The following RASL12 variants were observed in gnomAD, a reference collection of about 807,000 sequenced individuals.
RASL12 encodes RAS like family 12, also known as ras-like protein family member 12.
A neutral mutation model predicts 22.9 loss-of-function variants in RASL12; 16 were observed. The ratio of observed to expected loss-of-function variants is 0.70; its 90% CI spans 0.47 to 1.06. RASL12 has a LOEUF of 1.06. RASL12 is among the 50% of genes least tolerant of loss of function. The probability of loss-of-function intolerance (pLI) is 0.00; values close to 1 mark genes in which losing one functional copy is unlikely to be tolerated. For synonymous variants in RASL12, 159 were observed against 152.2 expected, an observed-to-expected ratio of 1.04 and a Z score of -0.33; for missense variants, 306 against 353.1, an observed-to-expected ratio of 0.87 and a Z score of 1.07.
chr15:65,049,130 T>A (rs1218099459), downstream of RASL12: 1 of 151,490 alleles, frequency 6.6e-6, no homozygotes, highest in Non-Finnish European at 1.5e-5. Context: ...TGCTAGAAAA[T>A]TTTATATTAA....
At position 65,053,688 on chromosome 15, in the gene RASL12, G is replaced by A; in HGVS notation, c.*1211C>T. 2 of 988,378 alleles carry A rather than the reference G, an allele frequency of 2.0e-6. No homozygotes were observed. The highest frequency in any genetic ancestry group is 2.4e-6 in the Non-Finnish European group (2 of 831,806). 61.2% of individuals were successfully genotyped at this position (988,378 alleles called of 1,614,324 possible). ...CCCTTCCCAATCCTTCCACCCACCA[G>A]GACCCTCTCTTTTCCCTGCTTGTCT... is the stretch of plus-strand genomic sequence containing the variant. On this transcript the variant is annotated 3_prime_UTR_variant, in exon 5 of 5. Transcript: ENST00000220062.
chr15:65,047,458 A>G, the RASL12 span, among the ~76,000 whole-genome samples: 1 of 152,236 alleles, frequency 6.6e-6, no homozygotes. Flanking sequence ...AAACCACACA[A>G]TACAGGAGTG....
chr15:65,068,165 A>G (rs1356488069), upstream of RASL12: 21 of 1,005,088 alleles, frequency 2.1e-5, no homozygotes, highest in East Asian at 8.1e-4. This position sits in a 1 kb window ranked among gnomAD's most constrained non-coding sequence, Gnocchi z 4.2. Flanking sequence ...GGCCTCGAGG[A>G]CCCTGCCGTC....
Position 65,058,640 on chromosome 15 carries a change from C to T in RASL12, c.235-23G>A, listed in dbSNP as rs752224771. The T allele has an allele frequency of 8.2e-6, 12 of 1,470,766 alleles. No homozygotes were observed. The Admixed American group carries it at 1.3e-4, about 16-fold the overall frequency. 91.1% of individuals were successfully genotyped at this position (1,470,766 alleles called of 1,614,324 possible). On this transcript the variant is annotated intron_variant, in intron 3 of 4. Coordinates refer to ENST00000220062, the MANE Select transcript of RASL12 (RefSeq NM_016563.4). ...GTCCTGGGGTGAAGGTGAGAAGCCC[C>T]GCCGGGGGGCAGAGGAGGTTGGGGT...
upstream of RASL12, among the ~76,000 whole-genome samples, chr15:65,072,004 T>C (rs923810422): frequency 6.6e-6 from 1 of 150,604 alleles, no homozygotes. Flanking sequence ...GAAATGGGAA[T>C]AGTCAGACAC....
intron 2 of RASL12, among the ~76,000 whole-genome samples, chr15:65,064,319 AGAT>A (rs1199681559): frequency 1.3e-5 from 2 of 152,254 alleles, no homozygotes; most frequent in Non-Finnish European, 2.9e-5. Context: ...CCCATTTTAC[AGAT>A]GAGGAAACAG....
upstream of RASL12, chr15:65,068,253 A>G: frequency 6.1e-6 from 6 of 987,302 alleles, no homozygotes; most frequent in Non-Finnish European, 7.2e-6. The surrounding 1 kb of genome is among the most constrained non-coding windows in gnomAD (Gnocchi z 4.2). Context: ...GAGGGGAAGG[A>G]TGTTTGCACT....
In RASL12 at chr15:65,067,819, C is replaced by A. The variant is rs377712164; in HGVS notation, c.17G>T (p.Gly6Val). The change falls in exon 1 of 5, where the codon GGA (glycine) becomes GTA (valine). Residue 6 changes from glycine to valine, a missense_variant. By Grantham distance (109) the Gly-to-Val change is moderately radical (BLOSUM62 -3). Coordinates refer to ENST00000220062, the MANE Select transcript of RASL12 (RefSeq NM_016563.4). Reference sequence around the variant, plus strand: ...AGGCCCGCTGCCCGCGCGGGGTTTTCCAAACACCGAGGACATGGCGACGCC... The same window carrying A: ...AGGCCCGCTGCCCGCGCGGGGTTTTACAAACACCGAGGACATGGCGACGCC... MSSVFGKPRAGSGPQS... is the reference protein window; with the variant it reads MSSVFVKPRAGSGPQS... The A allele has an allele frequency of 2.2e-5, 34 of 1,569,850 alleles. No homozygotes were observed. The highest frequency in any genetic ancestry group is 3.4e-4 in the Middle Eastern group (2 of 5,940).
chr15:65,062,846 C>T (rs1480375149), intron 2 of RASL12, among the ~76,000 whole-genome samples: 2 of 152,210 alleles, frequency 1.3e-5, no homozygotes, highest in African/African-American at 4.8e-5. Context: ...AACAATGGGA[C>T]AGTGGCCGGA....
Position 65,063,906 on chromosome 15 carries a change from C to T in RASL12, c.160+1311G>A, listed in dbSNP as rs138839864. On this transcript the variant is annotated intron_variant, in intron 2 of 4. Transcript: ENST00000220062. ...TGGATCAGGGGCCTGCTGCAGGGAG[C>T]GCAGGGGGTTTCCACTGTGTCACAA... Among the ~76,000 whole-genome samples the T allele has an allele frequency of 2.0e-3, 312 of 152,228 alleles. 1 individual carries two copies. The highest frequency in any genetic ancestry group is 6.6e-3 in the African/African-American group (273 of 41,550).
At chr15:65,062,424 T>C (rs578183061) in intron 2 of RASL12, among the ~76,000 whole-genome samples, 2 of 152,344 alleles carry the variant, frequency 1.3e-5, no homozygotes, top group African/African-American at 4.8e-5. Context: ...CTCTATGACA[T>C]GAGGCTGCTC....
At chr15:65,050,042 G>A (rs772137491), downstream of RASL12, 23 of 1,551,624 alleles carry the variant, frequency 1.5e-5, no homozygotes, top group Middle Eastern at 3.3e-4. Flanking sequence ...GACCCAGCCG[G>A]TACTGTGGTA....
downstream of RASL12, chr15:65,049,953 T>C (rs944453304): frequency 2.1e-6 from 3 of 1,447,588 alleles, no homozygotes; most frequent in East Asian, 7.7e-5. Context: ...GGAGGGCTGC[T>C]GGGGCTAAGG....
chr15:65,071,846 G>A (rs771659378), upstream of RASL12, among the ~76,000 whole-genome samples: 1 of 152,190 alleles, frequency 6.6e-6, no homozygotes, highest in Non-Finnish European at 1.5e-5. Context: ...CCCAGCAGAA[G>A]GCAACTGTTT....
At chr15:65,074,848 G>C (rs1384496729) in intron 1 of RASL12, among the ~76,000 whole-genome samples, 1 of 152,248 alleles carries the variant, frequency 6.6e-6, no homozygotes, top group Non-Finnish European at 1.5e-5. Flanking sequence ...TTATTGAGAG[G>C]TGACAGCATG....
chr15:65,052,133 G>A (rs879711819), downstream of RASL12, among the ~76,000 whole-genome samples: 1 of 152,204 alleles, frequency 6.6e-6, no homozygotes, highest in Non-Finnish European at 1.5e-5. Flanking sequence ...AAGGTGGTTG[G>A]GGGAGGGGAG....
chr15:65,067,574 A>G (rs927988430), intron 1 of RASL12, among the ~76,000 whole-genome samples, 159 bp downstream of exon 1: 2 of 152,136 alleles, frequency 1.3e-5, no homozygotes, highest in African/African-American at 2.4e-5. Flanking sequence ...GCAACAGGGA[A>G]ACTGAGGCAA....
chr15:65,051,534 C>T, downstream of RASL12: 1 of 1,613,734 alleles, frequency 6.2e-7, no homozygotes, highest in Non-Finnish European at 8.5e-7. Flanking sequence ...GGAATCATTC[C>T]ATCCTTGCCC....
At chr15:65,056,074 G>A (rs549381445) in intron 4 of RASL12, among the ~76,000 whole-genome samples, 3 of 152,160 alleles carry the variant, frequency 2.0e-5, no homozygotes, top group East Asian at 1.9e-4. Flanking sequence ...GAATCGAGGC[G>A]GGAAGAAAAA....
Sources: allele counts gnomAD v4.1 joint callset (sites outside exome capture counted in the v4.1 genomes callset), GRCh38; gene constraint gnomAD v4.1.1; non-coding constraint Gnocchi (gnomAD v3.1); transcripts MANE v1.5; gene names NCBI Gene and HGNC (gene_info 2026-07-23, HGNC 2026-07-21).